The following CDH6 variants were observed in gnomAD, a reference collection of about 807,000 sequenced individuals.
CDH6 encodes cadherin-6.
A neutral mutation model predicts 78.0 loss-of-function variants in CDH6; 31 were observed. That is an observed-to-expected ratio of 0.40 (90% confidence interval 0.30 to 0.54). The LOEUF is 0.54. Among genes scored for constraint, CDH6 ranks in the 20% least tolerant of loss-of-function variants. The probability of loss-of-function intolerance (pLI) is 0.56; values close to 1 mark genes in which losing one functional copy is unlikely to be tolerated. For synonymous variants in CDH6, 376 were observed against 368.8 expected, an observed-to-expected ratio of 1.02 and a Z score of -0.23; for missense variants, 724 against 975.9, an observed-to-expected ratio of 0.74 and a Z score of 3.44.
At chr5:31,229,030 T>C (rs1393446465) in intron 1 of CDH6, among the ~76,000 whole-genome samples, 3 of 152,228 alleles carry the variant, frequency 2.0e-5, no homozygotes. Flanking sequence ...GTTAGTTCTT[T>C]CTCCATTCTG....
chr5:31,216,683 C>CAAAAAAAAAAAAAAAAAA (rs70953498), intron 1 of CDH6, among the ~76,000 whole-genome samples: 1 of 132,654 alleles, frequency 7.5e-6, no homozygotes, highest in Non-Finnish European at 1.6e-5. Flanking sequence ...GCCCTGCCAC[C>CAAAAAAAAAAAAAAAAAA]AAAAAAAAAA....
intron 1 of CDH6, among the ~76,000 whole-genome samples, chr5:31,246,347 T>C (rs1043222308): frequency 6.6e-6 from 1 of 152,170 alleles, no homozygotes. Context: ...TTGCACCCTA[T>C]TGCTCAGCCA....
intron 1 of CDH6, among the ~76,000 whole-genome samples, 151 bp downstream of exon 1, chr5:31,194,037 G>C (rs1011910511): frequency 6.6e-6 from 1 of 151,830 alleles, no homozygotes; most frequent in Non-Finnish European, 1.5e-5. Context: ...TGCGAGCCCG[G>C]GTCGGGGCGG....
At chr5:31,227,294 TG>T (rs1741180768) in intron 1 of CDH6, among the ~76,000 whole-genome samples, 1 of 152,160 alleles carries the variant, frequency 6.6e-6, no homozygotes, top group Non-Finnish European at 1.5e-5. Flanking sequence ...CACTCCACGG[TG>T]GACGTGGAAG....
intron 5 of CDH6, among the ~76,000 whole-genome samples, chr5:31,300,147 G>A (rs1175773402): frequency 1.3e-5 from 2 of 152,186 alleles, no homozygotes; most frequent in African/African-American, 2.4e-5. Flanking sequence ...GATACCGAAA[G>A]TTGTCTCCAA....
At chr5:31,210,654 T>G (rs1009027115) in intron 1 of CDH6, among the ~76,000 whole-genome samples, 3 of 152,184 alleles carry the variant, frequency 2.0e-5, no homozygotes, top group African/African-American at 7.2e-5. Context: ...TCAAGTCCCT[T>G]ATATAAATGG....
At chr5:31,236,726 G>T (rs759444780) in intron 1 of CDH6, among the ~76,000 whole-genome samples, 2 of 152,188 alleles carry the variant, frequency 1.3e-5, no homozygotes, top group Non-Finnish European at 2.9e-5. Flanking sequence ...GAACTTGAGT[G>T]TGCTGGCTGT....
chr5:31,320,369 TA>T (rs1029739049), intron 11 of CDH6, among the ~76,000 whole-genome samples: 11 of 152,172 alleles, frequency 7.2e-5, no homozygotes, highest in African/African-American at 2.7e-4. Context: ...CAGACGTGCA[TA>T]AGACTAAAAT....
chr5:31,299,725 A>C (rs1041974434), intron 5 of CDH6, 94 bp downstream of exon 5: 6 of 1,084,102 alleles, frequency 5.5e-6, no homozygotes, highest in Non-Finnish European at 4.1e-6. Context: ...ATTATTGTCA[A>C]AGTTAGTGGA....
chr5:31,286,369 G>A (rs1350917567), intron 2 of CDH6, among the ~76,000 whole-genome samples: 7 of 152,190 alleles, frequency 4.6e-5, no homozygotes. Context: ...GCTTAAGGAA[G>A]GCTTCTCTGA....
intron 1 of CDH6, among the ~76,000 whole-genome samples, chr5:31,236,848 C>G (rs940419213): frequency 2.0e-5 from 3 of 152,146 alleles, no homozygotes; most frequent in Non-Finnish European, 4.4e-5. Flanking sequence ...GCACTGTTCT[C>G]TCCTCTAACT....
At chr5:31,208,228 G>A (rs754371286) in intron 1 of CDH6, among the ~76,000 whole-genome samples, 8 of 152,296 alleles carry the variant, frequency 5.3e-5, no homozygotes, top group Admixed American at 2.0e-4. Context: ...CAGAGGCTAC[G>A]AGGGGCTTTA....
intron 1 of CDH6, among the ~76,000 whole-genome samples, chr5:31,221,180 A>G (rs1205816978): frequency 1.3e-5 from 2 of 152,220 alleles, no homozygotes; most frequent in African/African-American, 4.8e-5. Context: ...GCAGCGACTC[A>G]GTCTGTCCCC....
chr5:31,261,852 C>G (rs1026293017), intron 1 of CDH6, among the ~76,000 whole-genome samples: 1 of 152,128 alleles, frequency 6.6e-6, no homozygotes, highest in African/African-American at 2.4e-5. Context: ...TATCTCAAAA[C>G]CAGATAATAC....
chr5:31,232,820 C>T (rs1375953667), intron 1 of CDH6, among the ~76,000 whole-genome samples: 1 of 152,130 alleles, frequency 6.6e-6, no homozygotes, highest in Non-Finnish European at 1.5e-5. Flanking sequence ...TATGCTATTG[C>T]CACATGTACC....
At chr5:31,201,292 T>A (rs561656211) in intron 1 of CDH6, among the ~76,000 whole-genome samples, 3 of 152,278 alleles carry the variant, frequency 2.0e-5, no homozygotes, top group South Asian at 4.1e-4. Context: ...TATTGACCAT[T>A]GCTAGGGAGA....
intron 1 of CDH6, among the ~76,000 whole-genome samples, chr5:31,221,954 G>T (rs543088538): frequency 6.6e-6 from 1 of 152,092 alleles, no homozygotes; most frequent in Admixed American, 6.5e-5. Context: ...GATTATATGA[G>T]AAACCATATG....
chr5:31,246,325 T>C (rs1345294777), intron 1 of CDH6, among the ~76,000 whole-genome samples: 2 of 152,132 alleles, frequency 1.3e-5, no homozygotes, highest in Non-Finnish European at 2.9e-5. Flanking sequence ...GTTTTCTGCA[T>C]CCCCCACTCC....
chr5:31,248,889 C>T (rs1316378088), intron 1 of CDH6, among the ~76,000 whole-genome samples: 2 of 152,208 alleles, frequency 1.3e-5, no homozygotes, highest in African/African-American at 4.8e-5. Flanking sequence ...TTTCATGCTT[C>T]ATGCCTTTAA....
Sources: gnomAD v4.1 joint callset for allele counts (sites outside exome capture counted in the v4.1 genomes callset) on GRCh38, gnomAD v4.1.1 for gene constraint, MANE v1.5 for transcripts, NCBI Gene and HGNC (gene_info 2026-07-23, HGNC 2026-07-21) for gene names.